The following CSMD1 variants were observed in gnomAD, a reference collection of about 807,000 sequenced individuals.
CSMD1 encodes CUB and Sushi multiple domains 1.
A neutral mutation model predicts 417.5 loss-of-function variants in CSMD1; 213 were observed. The observed-to-expected ratio is 0.51, with a 90% CI of 0.46 to 0.57. CSMD1 has a LOEUF of 0.57. CSMD1 is among the 20% of genes least tolerant of loss of function. CSMD1 has a pLI of 0.00. For synonymous variants in CSMD1, 2,862 were observed against 1,736.8 expected, an observed-to-expected ratio of 1.65 and a Z score of -16.11; for missense variants, 6,923 against 4,529.7, an observed-to-expected ratio of 1.53 and a Z score of -15.17.
chr8:4,293,264 A>G (rs190001413), intron 3 of CSMD1, among the ~76,000 whole-genome samples: 4 of 152,170 alleles, frequency 2.6e-5, no homozygotes, highest in Admixed American at 2.0e-4. Context: ...GAGAGACACA[A>G]CAAGGAAGCT....
intron 2 of CSMD1, among the ~76,000 whole-genome samples, chr8:4,483,130 G>A (rs926344892): frequency 2.6e-5 from 4 of 152,084 alleles, no homozygotes; most frequent in Admixed American, 1.3e-4. Context: ...TCCTGGTGGT[G>A]GATAAGTCTC....
At chr8:4,342,213 G>GTA (rs1800517928) in intron 3 of CSMD1, among the ~76,000 whole-genome samples, 3 of 11,222 alleles carry the variant, frequency 2.7e-4, no homozygotes. Context: ...GTCTGTGTGT[G>GTA]TGTGTGTGTG....
At chr8:4,670,361 C>T (rs1348323194) in intron 1 of CSMD1, among the ~76,000 whole-genome samples, 3 of 151,976 alleles carry the variant, frequency 2.0e-5, no homozygotes, top group Non-Finnish European at 4.4e-5. Context: ...AAGATTGTGG[C>T]TAATAATGAA....
chr8:3,424,793 G>C (rs968781331), intron 12 of CSMD1, among the ~76,000 whole-genome samples: 2 of 152,158 alleles, frequency 1.3e-5, no homozygotes, highest in Non-Finnish European at 2.9e-5. Context: ...CTTAACAATT[G>C]CCCAAGAGTA....
rs188721475 is a variant in CSMD1 at position 3,773,259 on chromosome 8, C to T, written c.819-19217G>A. 4.8e-4 allele frequency among the ~76,000 whole-genome samples: 73 copies of T among 152,266 alleles called. No individual in the cohort carries two copies. In the East Asian group the frequency reaches 0.013, roughly 28 times the overall value. ...GAAACTAGCTTGTGTTTTAGATTCTCCATGCATAATTTGGGGATATAATAG... is the reference window on the plus strand; with the variant it reads ...GAAACTAGCTTGTGTTTTAGATTCTTCATGCATAATTTGGGGATATAATAG... On this transcript the variant is annotated intron_variant, in intron 5 of 69. Coordinates refer to ENST00000635120, the MANE Select transcript of CSMD1 (RefSeq NM_033225.6).
intron 1 of CSMD1, among the ~76,000 whole-genome samples, chr8:4,805,599 C>T (rs529503733): frequency 1.3e-5 from 2 of 152,312 alleles, no homozygotes; most frequent in Non-Finnish European, 2.9e-5. Flanking sequence ...TGAGCCAAAA[C>T]TGAGGAAGTG....
At chr8:3,064,071 T>C (rs1388220807) in intron 49 of CSMD1, among the ~76,000 whole-genome samples, 2 of 152,238 alleles carry the variant, frequency 1.3e-5, no homozygotes, top group Non-Finnish European at 2.9e-5. Flanking sequence ...TTTCATTCTC[T>C]TTCATTTACA....
chr8:3,716,089 C>T (rs984386419), intron 6 of CSMD1, among the ~76,000 whole-genome samples: 3 of 152,218 alleles, frequency 2.0e-5, no homozygotes, highest in Admixed American at 1.3e-4. Flanking sequence ...GCCACTTCCT[C>T]CTGAAAGCAC....
intron 3 of CSMD1, among the ~76,000 whole-genome samples, chr8:4,408,142 C>A (rs530479148): frequency 6.6e-6 from 1 of 152,300 alleles, no homozygotes; most frequent in South Asian, 2.1e-4. Flanking sequence ...TTCGAGTACA[C>A]ATGTGATTTA....
intron 18 of CSMD1, among the ~76,000 whole-genome samples, chr8:3,376,438 T>C (rs929147986): frequency 1.6e-4 from 24 of 152,130 alleles, no homozygotes; most frequent in African/African-American, 5.5e-4. Flanking sequence ...CTACAGAACA[T>C]ATATCTTATT....
intron 2 of CSMD1, among the ~76,000 whole-genome samples, chr8:4,582,974 C>A (rs967039784): frequency 6.6e-6 from 1 of 152,194 alleles, no homozygotes; most frequent in South Asian, 2.1e-4. Context: ...GCACCCGGGC[C>A]AGTGGCTGCG....
intron 5 of CSMD1, among the ~76,000 whole-genome samples, chr8:3,856,432 G>C (rs1804316320): frequency 6.6e-6 from 1 of 152,088 alleles, no homozygotes; most frequent in Non-Finnish European, 1.5e-5. Flanking sequence ...AGCAATGCAA[G>C]AACAGACGAA....
chr8:3,987,087 A>G (rs543429854), intron 5 of CSMD1, among the ~76,000 whole-genome samples: 39 of 152,318 alleles, frequency 2.6e-4, no homozygotes, highest in African/African-American at 8.9e-4. Flanking sequence ...CATTTTGTGA[A>G]AACGATGGGT....
At position 3,520,012 on chromosome 8, in the gene CSMD1, G is replaced by GTGTATACATATATA. The variant is rs1225105460; in HGVS notation, c.1345-26287_1345-26286insTATATATGTATACA. 5.8e-5 allele frequency among the ~76,000 whole-genome samples: 7 copies of GTGTATACATATATA among 120,118 alleles called. No homozygotes were observed. The East Asian group carries it at 1.4e-3, about 24-fold the overall frequency. The allele number at this position is 120,118 out of a possible 152,430, so 78.8% of individuals were successfully genotyped here. On this transcript the variant is annotated intron_variant, in intron 10 of 69. Transcript: ENST00000635120. ...TGTGTGCATATATATGTGTGTGTGTGTATATACCTATATATATATATATAT... is the reference window on the plus strand; with the variant it reads ...TGTGTGCATATATATGTGTGTGTGTGTGTATACATATATATATATACCTATATATATATATATAT...
chr8:3,967,634 T>A (rs759616643), intron 5 of CSMD1, among the ~76,000 whole-genome samples: 4 of 152,132 alleles, frequency 2.6e-5, no homozygotes, highest in Non-Finnish European at 5.9e-5. Context: ...ATTACTCACA[T>A]TTCCCCTCCA....
chr8:3,327,145 A>G (rs906836530), intron 23 of CSMD1, among the ~76,000 whole-genome samples: 19 of 117,794 alleles, frequency 1.6e-4, no homozygotes, highest in Non-Finnish European at 2.9e-4. Flanking sequence ...TTACAATACC[A>G]TCTTTTTTTT....
intron 5 of CSMD1, among the ~76,000 whole-genome samples, chr8:3,782,525 T>C (rs1289065580): frequency 6.6e-6 from 1 of 152,096 alleles, no homozygotes; most frequent in African/African-American, 2.4e-5. Context: ...AGGGATAGCA[T>C]GAGGAGAAAT....
At chr8:4,553,740 A>G (rs757221109) in intron 2 of CSMD1, among the ~76,000 whole-genome samples, 9 of 152,216 alleles carry the variant, frequency 5.9e-5, no homozygotes, top group Non-Finnish European at 4.4e-5. Flanking sequence ...CTATTAGTGT[A>G]CAGAATATTT....
chr8:4,624,456 G>C (rs957812925), intron 2 of CSMD1, among the ~76,000 whole-genome samples: 9 of 152,148 alleles, frequency 5.9e-5, no homozygotes, highest in Non-Finnish European at 1.0e-4. Context: ...GCACTGACAA[G>C]GCTGCAGTTG....
Sources: gnomAD v4.1 joint callset for allele counts (sites outside exome capture counted in the v4.1 genomes callset) on GRCh38, gnomAD v4.1.1 for gene constraint, MANE v1.5 for transcripts, NCBI Gene and HGNC (gene_info 2026-07-23, HGNC 2026-07-21) for gene names.